The following KCTD16 variants were observed in gnomAD, a reference collection of about 807,000 sequenced individuals.
KCTD16 encodes the protein potassium channel tetramerization domain containing 16.
A neutral mutation model predicts 33.2 loss-of-function variants in KCTD16; 13 were observed. The ratio of observed to expected loss-of-function variants is 0.39; its 90% confidence interval spans 0.25 to 0.62. The LOEUF is 0.62. Among genes scored for constraint, KCTD16 ranks in the 20% least tolerant of loss-of-function variants. The pLI is 0.50. For missense variants in KCTD16, 441 were observed against 525.1 expected, an observed-to-expected ratio of 0.84 and a Z score of 1.57; for synonymous variants, 197 against 195.3, an observed-to-expected ratio of 1.01 and a Z score of -0.07.
chr5:144,252,780 T>C (rs1754736690), intron 3 of KCTD16, among the ~76,000 whole-genome samples: 1 of 151,910 alleles, frequency 6.6e-6, no homozygotes, highest in Non-Finnish European at 1.5e-5. Flanking sequence ...AGATGGACGC[T>C]GGTGTCAGGA....
chr5:144,428,459 C>T (rs1753384400), intron 3 of KCTD16, among the ~76,000 whole-genome samples: 2 of 152,106 alleles, frequency 1.3e-5, no homozygotes, highest in African/African-American at 4.8e-5. Context: ...TATTAAAACA[C>T]CAATTAGACC....
At chr5:144,226,922 A>T (rs1268518415) in intron 3 of KCTD16, among the ~76,000 whole-genome samples, 1 of 152,008 alleles carries the variant, frequency 6.6e-6, no homozygotes, top group Non-Finnish European at 1.5e-5. Flanking sequence ...AGGGTGGTGT[A>T]TTTTTTCCAG....
chr5:144,430,197 A>G (rs1201735954), intron 3 of KCTD16, among the ~76,000 whole-genome samples: 1 of 152,166 alleles, frequency 6.6e-6, no homozygotes, highest in Non-Finnish European at 1.5e-5. Context: ...CCAACTTGGC[A>G]AGCATACTTA....
intron 3 of KCTD16, among the ~76,000 whole-genome samples, chr5:144,422,681 A>T (rs766608929): frequency 6.6e-6 from 1 of 152,148 alleles, no homozygotes; most frequent in Admixed American, 6.6e-5. Flanking sequence ...TAAAGAAATG[A>T]CCTAATCCTC....
chr5:144,399,575 A>G (rs1752656687), intron 3 of KCTD16, among the ~76,000 whole-genome samples: 1 of 152,178 alleles, frequency 6.6e-6, no homozygotes, highest in African/African-American at 2.4e-5. Flanking sequence ...TCCTCATTCT[A>G]AAAATCTGAT....
chr5:144,176,786 G>C (rs1752520758), intron 2 of KCTD16, among the ~76,000 whole-genome samples: 1 of 152,186 alleles, frequency 6.6e-6, no homozygotes, highest in Non-Finnish European at 1.5e-5. Flanking sequence ...CTGCAAGCGT[G>C]ATATATTATG....
At chr5:144,377,056 A>G (rs893262678) in intron 3 of KCTD16, among the ~76,000 whole-genome samples, 2 of 151,972 alleles carry the variant, frequency 1.3e-5, no homozygotes, top group Non-Finnish European at 2.9e-5. Context: ...TGTTTTAGGG[A>G]TTGTTTCTCT....
intron 3 of KCTD16, among the ~76,000 whole-genome samples, chr5:144,256,001 A>G (rs967070557): frequency 1.3e-5 from 2 of 152,220 alleles, no homozygotes; most frequent in African/African-American, 4.8e-5. Flanking sequence ...AGACAGTATT[A>G]ACACTTTAAA....
chr5:144,412,062 G>A (rs527863357), intron 3 of KCTD16, among the ~76,000 whole-genome samples: 9 of 152,156 alleles, frequency 5.9e-5, no homozygotes, highest in Non-Finnish European at 1.2e-4. Context: ...GTGAATGCTT[G>A]TATATTGTTG....
Position 144,235,434 on chromosome 5 carries a change from A to G in KCTD16, c.832+27888A>G, listed in dbSNP as rs1754224320. On this transcript the variant is annotated intron_variant, in intron 3 of 3. Coordinates refer to ENST00000512467, the MANE Select transcript of KCTD16 (RefSeq NM_020768.4). ...TTTACTCAGATCAGGGGCTGGAGTCAGTTTGACTGAGATCAAATCTTCATT... is the reference window on the plus strand; with the variant it reads ...TTTACTCAGATCAGGGGCTGGAGTCGGTTTGACTGAGATCAAATCTTCATT... Among the ~76,000 whole-genome samples, 3 of 152,146 alleles carry G rather than the reference A, an allele frequency of 2.0e-5. No individual in the cohort carries two copies. The South Asian group carries it at 6.2e-4, about 32-fold the overall frequency.
At chr5:144,415,297 T>C (rs1227171922) in intron 3 of KCTD16, among the ~76,000 whole-genome samples, 1 of 152,052 alleles carries the variant, frequency 6.6e-6, no homozygotes. Context: ...TCCCAACATA[T>C]AACACTGAAG....
At chr5:144,199,452 G>T (rs1418665324) in intron 2 of KCTD16, among the ~76,000 whole-genome samples, 1 of 152,190 alleles carries the variant, frequency 6.6e-6, no homozygotes. Context: ...AAAGGTAGGC[G>T]TCTTGTTTTT....
intron 3 of KCTD16, among the ~76,000 whole-genome samples, chr5:144,286,201 A>G (rs1318508293): frequency 6.6e-6 from 1 of 152,092 alleles, no homozygotes; most frequent in African/African-American, 2.4e-5. Flanking sequence ...TCTCATAGAC[A>G]TTACAAGTGT....
Position 144,346,430 on chromosome 5 carries a change from CA to C in KCTD16, c.833-127227del, listed in dbSNP as rs1399341934. On this transcript the variant is annotated intron_variant, in intron 3 of 3. Coordinates refer to ENST00000512467, the MANE Select transcript of KCTD16 (RefSeq NM_020768.4). Reference sequence around the variant, plus strand: ...AGTTTTTATTTTTTTCAGGGGCCTCCAAACTATTCTCCAAAGTGGCTGTGCT... The same window carrying C: ...AGTTTTTATTTTTTTCAGGGGCCTCCAACTATTCTCCAAAGTGGCTGTGCT... Among the ~76,000 whole-genome samples, 4 of 152,176 alleles carry C rather than the reference CA, an allele frequency of 2.6e-5. No individual in the cohort carries two copies. In the East Asian group the frequency reaches 7.7e-4, roughly 29 times the overall value.
chr5:144,186,963 GA>G (rs1752739354), intron 2 of KCTD16, among the ~76,000 whole-genome samples: 1 of 152,066 alleles, frequency 6.6e-6, no homozygotes, highest in Non-Finnish European at 1.5e-5. Context: ...AAATAATAAT[GA>G]TCCCTTCCCT....
Position 144,246,144 on chromosome 5 carries a change from T to C in KCTD16, c.832+38598T>C, listed in dbSNP as rs117759313. Among the ~76,000 whole-genome samples, 29 of 152,298 alleles carry C rather than the reference T, an allele frequency of 1.9e-4. No homozygotes were observed. The East Asian group carries it at 4.6e-3, about 24-fold the overall frequency. On this transcript the variant is annotated intron_variant, in intron 3 of 3. Coordinates refer to ENST00000512467, the MANE Select transcript of KCTD16 (RefSeq NM_020768.4). ...CTGATGTTTGGGCAGAGAGTTGGTC[T>C]TCATCAAGCTTCATATTAGTCAGCT...
At chr5:144,284,367 G>A (rs1355293195) in intron 3 of KCTD16, among the ~76,000 whole-genome samples, 1 of 152,192 alleles carries the variant, frequency 6.6e-6, no homozygotes, top group Non-Finnish European at 1.5e-5. Context: ...TGTAGGCAAT[G>A]TTGAAAGAAG....
At chr5:144,197,197 T>C (rs1752955584) in intron 2 of KCTD16, among the ~76,000 whole-genome samples, 1 of 152,202 alleles carries the variant, frequency 6.6e-6, no homozygotes, top group South Asian at 2.1e-4. Flanking sequence ...TAAGCACTTT[T>C]TAAAAAATAA....
intron 3 of KCTD16, among the ~76,000 whole-genome samples, chr5:144,395,066 C>A (rs1195797108): frequency 6.6e-6 from 1 of 152,198 alleles, no homozygotes; most frequent in African/African-American, 2.4e-5. Context: ...GTTAGGCCCA[C>A]CTCAGTCCAA....
Sources: allele counts gnomAD v4.1 joint callset (sites outside exome capture counted in the v4.1 genomes callset), GRCh38; gene constraint gnomAD v4.1.1; transcripts MANE v1.5; gene names NCBI Gene and HGNC (gene_info 2026-07-23, HGNC 2026-07-21).